Variants in NECTIN1 observed in about 807,000 individuals in gnomAD.
The protein encoded by NECTIN1 is nectin cell adhesion molecule 1.
In NECTIN1, 23 loss-of-function variants were observed where a neutral mutation model predicts 48.0. The observed-to-expected ratio is 0.48, with a 90% CI of 0.34 to 0.68. NECTIN1 has a LOEUF of 0.68. NECTIN1 is among the 30% of genes least tolerant of loss of function. The pLI is 0.01. For synonymous variants in NECTIN1, 270 were observed against 288.9 expected (o/e 0.93, Z 0.66); for missense variants, 591 against 709.9 (o/e 0.83, Z 1.90).
chr11:119,700,201 C>A (rs954920698), intron 1 of NECTIN1, among the ~76,000 whole-genome samples: 8 of 152,084 alleles, frequency 5.3e-5, no homozygotes, highest in African/African-American at 1.9e-4. Context: ...TGTGGTGTGA[C>A]CTAGCACTGG....
chr11:119,716,867 C>T (rs893423521), intron 1 of NECTIN1, among the ~76,000 whole-genome samples: 1 of 152,258 alleles, frequency 6.6e-6, no homozygotes, highest in Non-Finnish European at 1.5e-5. Context: ...CGCACGCACG[C>T]ACGCACACAC....
intron 6 of NECTIN1, chr11:119,639,551 T>A (rs1864292641): frequency 2.2e-6 from 1 of 456,350 alleles, no homozygotes; most frequent in Admixed American, 3.5e-5. Context: ...GCAAATTATT[T>A]AACCTCTCTG....
chr11:119,711,500 G>A (rs1349914329), intron 1 of NECTIN1, among the ~76,000 whole-genome samples: 2 of 152,176 alleles, frequency 1.3e-5, no homozygotes, highest in Non-Finnish European at 2.9e-5. Context: ...CTGTGTGCAA[G>A]GTGCTGAGCT....
intron 1 of NECTIN1, chr11:119,712,896 T>G (rs1865678382): frequency 6.6e-6 from 1 of 152,268 alleles, no homozygotes; most frequent in Non-Finnish European, 1.5e-5. Context: ...ACATAGTGCC[T>G]GGCACATAGT....
chr11:119,698,725 G>A (rs1266629888), intron 1 of NECTIN1, among the ~76,000 whole-genome samples: 3 of 152,182 alleles, frequency 2.0e-5, no homozygotes, highest in Admixed American at 6.5e-5. Context: ...ATGGCTATAA[G>A]GATTCAGTAA....
chr11:119,650,634 G>A (rs1302556707), intron 5 of NECTIN1, among the ~76,000 whole-genome samples: 2 of 152,212 alleles, frequency 1.3e-5, no homozygotes, highest in South Asian at 2.1e-4. Context: ...GCAGGCAGAG[G>A]GTAGGGTTGC....
intron 1 of NECTIN1, among the ~76,000 whole-genome samples, chr11:119,723,751 T>C (rs531807862): frequency 6.6e-6 from 1 of 152,276 alleles, no homozygotes. Context: ...ATCCAGAGCT[T>C]AAAGAGTTAA....
rs182919593 is a variant in NECTIN1, at chr11:119,651,476, C to T, written c.1004-11464G>A. ...ACCCCATACTCCTTAAGTGGGCTGT[C>T]GGAGGAGACATGGGGAGCCTGCTCC... On this transcript the variant is annotated intron_variant, in intron 5 of 7. Transcript: ENST00000341398. Among the ~76,000 whole-genome samples the T allele has an allele frequency of 1.6e-4, 24 of 152,194 alleles. No individual in the cohort carries two copies. In the East Asian group the frequency reaches 2.1e-3, roughly 13 times the overall value.
At chr11:119,702,552 T>C (rs952755743) in intron 1 of NECTIN1, among the ~76,000 whole-genome samples, 1 of 151,650 alleles carries the variant, frequency 6.6e-6, no homozygotes, top group Non-Finnish European at 1.5e-5. Flanking sequence ...TGCCCCCTTC[T>C]AGTCCTACCT....
In NECTIN1 at chr11:119,717,780, G is replaced by A. The variant is rs574961614; in HGVS notation, c.79+10695C>T. Among the ~76,000 whole-genome samples, 354 of 152,338 alleles carry A rather than the reference G, an allele frequency of 2.3e-3. 1 individual carries two copies. The highest frequency in any genetic ancestry group is 1.3e-3 in the Non-Finnish European group (86 of 68,028). On this transcript the variant is annotated intron_variant, in intron 1 of 5. Coordinates refer to ENST00000264025, the MANE Select transcript of NECTIN1 (RefSeq NM_002855.5). Reference sequence around the variant, plus strand: ...CCGGCAGGCACCTGCAGGCCCGGGGGTAGGGGGGCTCTGGGCAATGCTGGT... The same window carrying A: ...CCGGCAGGCACCTGCAGGCCCGGGGATAGGGGGGCTCTGGGCAATGCTGGT...
chr11:119,643,841 C>T (rs1365926968), intron 5 of NECTIN1, among the ~76,000 whole-genome samples: 1 of 152,228 alleles, frequency 6.6e-6, no homozygotes, highest in Non-Finnish European at 1.5e-5. Context: ...GGGGGTGGGG[C>T]CTCCAGGGAG....
intron 1 of NECTIN1, among the ~76,000 whole-genome samples, chr11:119,702,799 A>C (rs1211387720): frequency 6.6e-6 from 1 of 152,208 alleles, no homozygotes; most frequent in African/African-American, 2.4e-5. Context: ...GGCTCAGTAG[A>C]TGGTAGCTTT....
intron 5 of NECTIN1, among the ~76,000 whole-genome samples, chr11:119,650,028 A>G (rs1171285998): frequency 6.6e-6 from 1 of 151,822 alleles, no homozygotes; most frequent in African/African-American, 2.4e-5. Context: ...CCATTTTATA[A>G]GATTTGGGTA....
chr11:119,660,886 G>T, downstream of NECTIN1: 1 of 560,112 alleles, frequency 1.8e-6, no homozygotes, highest in Non-Finnish European at 2.3e-6. Context: ...TGGACATGGG[G>T]TGGGGGGTCC....
At chr11:119,674,236 T>C in intron 5 of NECTIN1, 1 of 920,776 alleles carries the variant, frequency 1.1e-6, no homozygotes, top group East Asian at 5.7e-5. Flanking sequence ...CACCACTTCC[T>C]TTTTTAAGAC....
In NECTIN1 at chr11:119,664,504, T is replaced by C. The variant is rs958532036; in HGVS notation, c.*243A>G. 15 of 1,380,858 alleles carry C rather than the reference T, an allele frequency of 1.1e-5. No individual in the cohort carries two copies. Among genetic ancestry groups the C allele is most frequent in the Admixed American group, 3.1e-5 (1 of 31,784 alleles). 85.5% of individuals were successfully genotyped at this position (1,380,858 alleles called of 1,614,324 possible). A position where few individuals can be genotyped will look rare whatever the true frequency, so the allele number is the denominator to read the frequency against. The stretch of plus-strand genomic sequence containing the variant: ...TGGGGCCCGTAAAGGGAAGATACAG[T>C]AACACTAAAGCCACAGTCGAACACA... On this transcript the variant is annotated 3_prime_UTR_variant, in exon 6 of 6. Coordinates refer to ENST00000264025, the MANE Select transcript of NECTIN1 (RefSeq NM_002855.5).
intron 1 of NECTIN1, among the ~76,000 whole-genome samples, chr11:119,696,396 A>G (rs1865340969): frequency 6.7e-6 from 1 of 149,142 alleles, no homozygotes; most frequent in Non-Finnish European, 1.5e-5. Context: ...TGTCAGTGCA[A>G]TCAGGAGGTG....
chr11:119,649,782 C>G (rs888055409), intron 5 of NECTIN1, among the ~76,000 whole-genome samples: 8 of 152,152 alleles, frequency 5.3e-5, no homozygotes, highest in African/African-American at 7.2e-5. Context: ...TATTTCTTCT[C>G]CTGATATAAT....
chr11:119,678,265 G>A lies in NECTIN1; in HGVS notation c.430+150C>T. 1 of 780,498 alleles carries A rather than the reference G, an allele frequency of 1.3e-6. No individual in the cohort carries two copies. The highest frequency in any genetic ancestry group is 2.2e-6 in the Non-Finnish European group (1 of 452,474). 48.3% of individuals were successfully genotyped at this position (780,498 alleles called of 1,614,324 possible). Reference sequence around the variant, plus strand: ...CCCTAGTGAATTGTGGGGTGGCCTGGCTAGAAGGGACTGGAAGCCTCATGC... The same window carrying A: ...CCCTAGTGAATTGTGGGGTGGCCTGACTAGAAGGGACTGGAAGCCTCATGC... On this transcript the variant is annotated intron_variant, in intron 2 of 5. Coordinates refer to ENST00000264025, the MANE Select transcript of NECTIN1 (RefSeq NM_002855.5). The surrounding 1 kb of genome is among the most constrained non-coding windows in gnomAD (Gnocchi z 4.4).
Sources: gnomAD v4.1 joint callset for allele counts (sites outside exome capture counted in the v4.1 genomes callset) on GRCh38, gnomAD v4.1.1 for gene constraint, Gnocchi (gnomAD v3.1) non-coding constraint, MANE v1.5 for transcripts, NCBI Gene and HGNC (gene_info 2026-07-23, HGNC 2026-07-21) for gene names.